The following TNNI3K variants were observed in gnomAD, a reference collection of about 807,000 sequenced individuals.
TNNI3K encodes TNNI3 interacting kinase, also known as serine/threonine-protein kinase TNNI3K.
Under a neutral mutation model 114.5 loss-of-function variants are expected in TNNI3K, and 140 were observed. The observed-to-expected ratio is 1.22, with a 90% confidence interval of 1.07 to 1.41. TNNI3K has a LOEUF of 1.41. Ranked by LOEUF, TNNI3K falls within the 40% of genes most tolerant of loss-of-function variation. The pLI is 0.00. For synonymous variants in TNNI3K, 347 were observed against 347.5 expected (o/e 1.00, Z 0.02); for missense variants, 1,125 against 1,007.6 (o/e 1.12, Z -1.58).
At chr1:74,421,488 A>G (rs1247064020) in intron 17 of TNNI3K, among the ~76,000 whole-genome samples, 2 of 152,148 alleles carry the variant, frequency 1.3e-5, no homozygotes, top group African/African-American at 4.8e-5. Flanking sequence ...AAGCAATTTG[A>G]GGTAATTTTT....
At chr1:74,318,717 G>A (rs1336929682) in intron 5 of TNNI3K, among the ~76,000 whole-genome samples, 1 of 152,156 alleles carries the variant, frequency 6.6e-6, no homozygotes, top group Non-Finnish European at 1.5e-5. Context: ...AAATTTACAT[G>A]TACCTTATAT....
At chr1:74,535,470 A>G (rs1646649502) in intron 23 of TNNI3K, among the ~76,000 whole-genome samples, 1 of 152,110 alleles carries the variant, frequency 6.6e-6, no homozygotes, top group South Asian at 2.1e-4. Context: ...ACCGTGTCTC[A>G]AATCAAACAA....
At chr1:74,483,708 A>T (rs918402913) in intron 21 of TNNI3K, among the ~76,000 whole-genome samples, 1 of 152,178 alleles carries the variant, frequency 6.6e-6, no homozygotes, top group African/African-American at 2.4e-5. Context: ...TCTGCAACCC[A>T]ATTGGAGACT....
rs140333244 is a variant in TNNI3K, at chr1:74,250,759, C to T, written c.323C>T (p.Ala108Val). The T allele has an allele frequency of 5.6e-4, 910 of 1,610,776 alleles. 6 individuals carry two copies. The African/African-American group carries it at 0.011, about 19-fold the overall frequency. Reference sequence around the variant, plus strand: ...AATGGATTTACAGCCTTGCATTTAGCAGTTTACAAGGTAGGACACTTTAAT... The same window carrying T: ...AATGGATTTACAGCCTTGCATTTAGTAGTTTACAAGGTAGGACACTTTAAT... ...TRNGFTALHL[A>V]VYKDNAELIT... The change falls in exon 4 of 25, where the codon GCA (alanine) becomes GTA (valine). Residue 108 changes from alanine (A) to valine (V), a missense_variant. Physicochemically the swap from Ala to Val is moderately conservative, Grantham distance 64 (BLOSUM62 0). Transcript: ENST00000326637.
At chr1:74,332,743 T>C (rs1400301831) in intron 6 of TNNI3K, among the ~76,000 whole-genome samples, 1 of 152,134 alleles carries the variant, frequency 6.6e-6, no homozygotes, top group Non-Finnish European at 1.5e-5. Context: ...TGTTTTGCTG[T>C]ACCAAAGTAC....
chr1:74,237,797 T>C (rs1228983519), intron 2 of TNNI3K, among the ~76,000 whole-genome samples: 1 of 152,032 alleles, frequency 6.6e-6, no homozygotes, highest in Admixed American at 6.6e-5. Context: ...CCAGCTCGTA[T>C]TCAAGTGTTG....
Position 74,524,197 on chromosome 1 carries a change from G to A in TNNI3K, c.2352-16037G>A, listed in dbSNP as rs537548541. 2.0e-5 allele frequency among the ~76,000 whole-genome samples: 3 copies of A among 152,328 alleles called. No individual in the cohort carries two copies. In the South Asian group the frequency reaches 6.2e-4, roughly 32 times the overall value. ...AGTCTTTAAAACACAGAGTAACCAT[G>A]TAGCAATTACCATCAGAAGTATTTA... On this transcript the variant is annotated intron_variant, in intron 23 of 24. Coordinates refer to ENST00000326637, the MANE Select transcript of TNNI3K (RefSeq NM_015978.3).
intron 17 of TNNI3K, among the ~76,000 whole-genome samples, chr1:74,388,618 T>A (rs1265108108): frequency 6.6e-6 from 1 of 152,208 alleles, no homozygotes; most frequent in African/African-American, 2.4e-5. Flanking sequence ...ATTTGTGGGT[T>A]GAAAATTGAG....
chr1:74,525,104 G>T (rs187941433), intron 23 of TNNI3K, among the ~76,000 whole-genome samples: 133 of 152,270 alleles, frequency 8.7e-4, no homozygotes, highest in Non-Finnish European at 1.6e-3. Flanking sequence ...ACTAAAGAGG[G>T]CACTTAACCA....
chr1:74,387,718 G>A (rs567120807), intron 17 of TNNI3K, among the ~76,000 whole-genome samples: 91 of 152,282 alleles, frequency 6.0e-4, no homozygotes, highest in African/African-American at 1.7e-3. Flanking sequence ...GTATCGAGGC[G>A]TAATCCCAGC....
chr1:74,374,959 A>G (rs1209270827), intron 17 of TNNI3K: 1 of 151,872 alleles, frequency 6.6e-6, no homozygotes, highest in Admixed American at 6.6e-5. Flanking sequence ...CTGAAGCAGA[A>G]ACATCACTGC....
intron 23 of TNNI3K, among the ~76,000 whole-genome samples, chr1:74,527,531 A>G (rs1646519068): frequency 6.6e-6 from 1 of 152,222 alleles, no homozygotes; most frequent in African/African-American, 2.4e-5. Context: ...TGAGCAAAAA[A>G]GGAGAACCAG....
intron 2 of TNNI3K, among the ~76,000 whole-genome samples, chr1:74,238,534 T>C (rs1557441232): frequency 2.0e-5 from 3 of 151,698 alleles, no homozygotes; most frequent in South Asian, 2.1e-4. Context: ...TTAGAAAGAG[T>C]GAAAGTTTTT....
chr1:74,471,387 T>C, intron 21 of TNNI3K: 1 of 400,728 alleles, frequency 2.5e-6, no homozygotes. Context: ...GAGGCAACAA[T>C]ACCTGCTTGC....
chr1:74,392,736 C>A, intron 17 of TNNI3K, among the ~76,000 whole-genome samples: 1 of 152,262 alleles, frequency 6.6e-6, no homozygotes, highest in South Asian at 2.1e-4. Context: ...GGTATTGTGA[C>A]CGAGTACCTC....
intron 9 of TNNI3K, among the ~76,000 whole-genome samples, chr1:74,351,297 C>T (rs1010791020): frequency 6.6e-6 from 1 of 151,348 alleles, no homozygotes; most frequent in African/African-American, 2.4e-5. Context: ...TATTGGCCCC[C>T]ACTCTCTTCT....
At chr1:74,508,658 C>A (rs1404466488) in intron 23 of TNNI3K, among the ~76,000 whole-genome samples, 2 of 152,180 alleles carry the variant, frequency 1.3e-5, no homozygotes, top group Non-Finnish European at 2.9e-5. Context: ...ACTGAGAAAA[C>A]CAACAGCAAG....
At chr1:74,522,758 A>T (rs1483348709) in intron 23 of TNNI3K, among the ~76,000 whole-genome samples, 2 of 152,174 alleles carry the variant, frequency 1.3e-5, no homozygotes, top group African/African-American at 4.8e-5. Context: ...TCAAATCTGG[A>T]TTAAAACTGG....
At position 74,442,660 on chromosome 1, in the gene TNNI3K, C is replaced by T. The variant is rs1308806838; in HGVS notation, c.2011+3038C>T. On this transcript the variant is annotated intron_variant, in intron 20 of 24. Coordinates refer to ENST00000326637, the MANE Select transcript of TNNI3K (RefSeq NM_015978.3). ...TTACATAATTTGTTATATATTTTAG[C>T]ATACAAACCTTGCATATTTTTATTA... Among the ~76,000 whole-genome samples, 3 of 152,030 alleles carry T rather than the reference C, an allele frequency of 2.0e-5. No homozygotes were observed. The East Asian group carries it at 5.8e-4, about 29-fold the overall frequency.
Sources: allele counts gnomAD v4.1 joint callset (sites outside exome capture counted in the v4.1 genomes callset), GRCh38; gene constraint gnomAD v4.1.1; transcripts MANE v1.5; gene names NCBI Gene and HGNC (gene_info 2026-07-23, HGNC 2026-07-21).